The following UTP6 variants were observed in gnomAD, a reference collection of about 807,000 sequenced individuals.
The protein encoded by UTP6 is U3 small nucleolar RNA-associated protein 6 homolog.
In UTP6, 60 loss-of-function variants were observed where a neutral mutation model predicts 96.5. The observed-to-expected ratio is 0.62, with a 90% CI of 0.51 to 0.77. UTP6 has a LOEUF of 0.77. Ranked by LOEUF, UTP6 falls within the 30% of genes least tolerant of loss-of-function variation. The pLI, the probability that UTP6 is intolerant of heterozygous loss-of-function variation, is 0.00. For synonymous variants in UTP6, 215 were observed against 240.1 expected, an observed-to-expected ratio of 0.90 and a Z score of 0.96; for missense variants, 637 against 706.5, an observed-to-expected ratio of 0.90 and a Z score of 1.12.
intron 9 of UTP6, among the ~76,000 whole-genome samples, chr17:31,885,349 G>T (rs12449874): frequency 1 from 151,554 of 151,560 alleles, 75,774 homozygotes; most frequent in Middle Eastern, 1. Flanking sequence ...TTCACCATGT[G>T]GGCCAGGCTG....
At chr17:31,894,600 CT>C (rs758805265) in intron 4 of UTP6, 44 bp downstream of exon 4, 2 of 1,352,586 alleles carry the variant, frequency 1.5e-6, no homozygotes, top group Non-Finnish European at 2.1e-6. Flanking sequence ...ATGTATAATA[CT>C]TATCTTCACA....
At chr17:31,889,466 C>T in intron 6 of UTP6, 63 bp from the exon 7 acceptor site, 1 of 1,286,866 alleles carries the variant, frequency 7.8e-7, no homozygotes, top group Non-Finnish European at 1.1e-6. Context: ...AAGAAAAGAA[C>T]CAAATGATCC....
intron 16 of UTP6, among the ~76,000 whole-genome samples, chr17:31,872,153 C>A (rs901122731): frequency 2.6e-4 from 39 of 150,122 alleles, no homozygotes; most frequent in African/African-American, 9.6e-4. Context: ...CGAGACTGTA[C>A]CACTGCACTC....
At position 31,901,646 on chromosome 17, in the gene UTP6, C is replaced by A; in HGVS notation, c.-19G>T. ...CTGCCATGAGGTCCGAGGTCTACAA[C>A]CCCGCGGGTAGCTTCTCAACAGCGA... On this transcript the variant is annotated 5_prime_UTR_variant, in exon 1 of 19. Transcript: ENST00000261708. 3 of 1,611,810 alleles carry A rather than the reference C, an allele frequency of 1.9e-6. No individual in the cohort carries two copies. Among genetic ancestry groups the A allele is most frequent in the Non-Finnish European group, 2.5e-6 (3 of 1,179,412 alleles).
chr17:31,888,132 A>T (rs534178501), intron 7 of UTP6: 2 of 152,158 alleles, frequency 1.3e-5, no homozygotes, highest in Admixed American at 1.3e-4. Context: ...TAAGTCCCCG[A>T]AGAGAGAAAG....
At chr17:31,887,522 A>T in intron 7 of UTP6, 1 of 496,008 alleles carries the variant, frequency 2.0e-6, no homozygotes, top group African/African-American at 2.0e-5. Flanking sequence ...TAATTTTTTT[A>T]TTTTTATTTT....
At chr17:31,884,190 G>A (rs190299173) in intron 10 of UTP6, among the ~76,000 whole-genome samples, 1 of 151,938 alleles carries the variant, frequency 6.6e-6, no homozygotes, top group East Asian at 1.9e-4. Flanking sequence ...TAGAGACGGG[G>A]TTTCACCATG....
intron 16 of UTP6, among the ~76,000 whole-genome samples, chr17:31,870,246 C>T (rs1910075212): frequency 1.3e-5 from 2 of 152,108 alleles, no homozygotes; most frequent in Non-Finnish European, 2.9e-5. Flanking sequence ...CCAGAAATCT[C>T]CAGCTGATTT....
chr17:31,882,232 T>C (rs907672833), intron 10 of UTP6, among the ~76,000 whole-genome samples: 24 of 151,758 alleles, frequency 1.6e-4, no homozygotes, highest in Non-Finnish European at 2.8e-4. Context: ...GGTTTCACCA[T>C]GTTGGCCAGA....
Position 31,863,537 on chromosome 17 carries a change from A to C in UTP6, c.1637-21T>G. 1.9e-6 allele frequency: 3 copies of C among 1,583,592 alleles called. No individual in the cohort carries two copies. The South Asian group carries it at 3.5e-5, about 18-fold the overall frequency. ...AAGATCTTTTAAAAAAAAAACATAC[A>C]ATTAGATAACTGACAGAGTGTTATT... On this transcript the variant is annotated intron_variant, in intron 18 of 18. Coordinates refer to ENST00000261708, the MANE Select transcript of UTP6 (RefSeq NM_018428.3).
At chr17:31,878,638 G>C (rs920159349) in intron 12 of UTP6, 64 bp downstream of exon 12, 8 of 1,447,542 alleles carry the variant, frequency 5.5e-6, no homozygotes, top group Non-Finnish European at 7.7e-6. Flanking sequence ...AAAGATCTGT[G>C]CTTCTGTTCT....
chr17:31,865,040 C>T (rs769024988), intron 18 of UTP6, among the ~76,000 whole-genome samples: 1 of 151,066 alleles, frequency 6.6e-6, no homozygotes, highest in South Asian at 2.1e-4. Context: ...GTTTTTGAGA[C>T]GGAGTTTCAC....
rs568404960 is a variant in UTP6 at position 31,880,997 on chromosome 17, G to C, written c.786-243C>G. On this transcript the variant is annotated intron_variant, in intron 10 of 18. Transcript: ENST00000261708. Reference sequence around the variant, plus strand: ...TCGAGACCAGCCTGACCAATATGGTGAAACCCCATCTCTACTAAAAATACA... The same window carrying C: ...TCGAGACCAGCCTGACCAATATGGTCAAACCCCATCTCTACTAAAAATACA... 1.1e-4 allele frequency among the ~76,000 whole-genome samples: 16 copies of C among 152,126 alleles called. No homozygotes were observed. In the East Asian group the frequency reaches 2.7e-3, roughly 26 times the overall value.
At position 31,884,573 on chromosome 17, in the gene UTP6, T is replaced by A. The variant is rs1312353983; in HGVS notation, c.704-68A>T. On this transcript the variant is annotated intron_variant, in intron 9 of 18. Transcript: ENST00000261708. ...GAATCACTTTACTTTAAAAGTAGCA[T>A]TCTTTTCATGTACTGGAGTTAATCT... 5 of 1,239,288 alleles carry A rather than the reference T, an allele frequency of 4.0e-6. No homozygotes were observed. The East Asian group carries it at 1.2e-4, about 30-fold the overall frequency. 76.8% of individuals were successfully genotyped at this position (1,239,288 alleles called of 1,614,324 possible).
chr17:31,877,459 C>T (rs187877614), intron 13 of UTP6, among the ~76,000 whole-genome samples: 14 of 152,266 alleles, frequency 9.2e-5, no homozygotes, highest in Non-Finnish European at 1.5e-4. Flanking sequence ...AGAGACAAAA[C>T]GGTTTGATAT....
chr17:31,880,687 C>G lies in UTP6; in HGVS notation c.853G>C (p.Glu285Gln). 1.2e-6 allele frequency: 2 copies of G among 1,614,144 alleles called. No homozygotes were observed. The highest frequency in any genetic ancestry group is 1.7e-6 in the Non-Finnish European group (2 of 1,180,028). Residue 285 changes from glutamate (E) to glutamine (Q), a missense_variant, in exon 11 of 19, where the codon GAG becomes CAG. Physicochemically the swap from Glu to Gln is conservative, Grantham distance 29. Coordinates refer to ENST00000261708, the MANE Select transcript of UTP6 (RefSeq NM_018428.3). ...DYVARRELEI[E>Q]SQTEEQPTTK... ...GTAGGCTGCTCTTCTGTCTGTGACT[C>G]AATCTCTAATTCTCGCCTTGCCACA...
chr17:31,871,224 C>T (rs908362679), intron 16 of UTP6, among the ~76,000 whole-genome samples: 3 of 151,792 alleles, frequency 2.0e-5, no homozygotes, highest in Non-Finnish European at 1.5e-5. Flanking sequence ...GAACTCCTGA[C>T]CTTGTGATCC....
intron 2 of UTP6, among the ~76,000 whole-genome samples, chr17:31,897,473 G>GT (rs1904723130): frequency 7.6e-6 from 1 of 131,556 alleles, no homozygotes; most frequent in Non-Finnish European, 1.6e-5. Flanking sequence ...TTGAGATGGA[G>GT]TTTCGCTCTT....
intron 9 of UTP6, among the ~76,000 whole-genome samples, 191 bp from the exon 10 acceptor site, chr17:31,884,696 A>C (rs1213179267): frequency 6.6e-6 from 1 of 150,434 alleles, no homozygotes; most frequent in East Asian, 1.9e-4. Context: ...AGCTATTGTT[A>C]ATCTTTGGAG....
Sources: allele counts gnomAD v4.1 joint callset (sites outside exome capture counted in the v4.1 genomes callset), GRCh38; gene constraint gnomAD v4.1.1; transcripts MANE v1.5; gene names NCBI Gene and HGNC (gene_info 2026-07-23, HGNC 2026-07-21).